The following FSTL4 variants were observed in gnomAD, a reference collection of about 807,000 sequenced individuals.
FSTL4 encodes follistatin like 4.
A neutral mutation model predicts 78.2 loss-of-function variants in FSTL4; 28 were observed. The observed-to-expected ratio is 0.36, with a 90% CI of 0.27 to 0.49. The LOEUF is 0.49. Ranked by LOEUF, FSTL4 falls within the 20% of genes least tolerant of loss-of-function variation. The pLI is 0.98. For synonymous variants in FSTL4, 422 were observed against 440.5 expected, an observed-to-expected ratio of 0.96 and a Z score of 0.53; for missense variants, 922 against 1,084.9, an observed-to-expected ratio of 0.85 and a Z score of 2.11.
chr5:133,726,033 A>G, the FSTL4 span, among the ~76,000 whole-genome samples: 4 of 152,214 alleles, frequency 2.6e-5, no homozygotes, highest in Admixed American at 1.3e-4. Context: ...CCATCAGACC[A>G]TCCTTATTAC....
At chr5:133,277,084 G>A (rs927032051) in intron 6 of FSTL4, among the ~76,000 whole-genome samples, 2 of 152,212 alleles carry the variant, frequency 1.3e-5, no homozygotes, top group Non-Finnish European at 2.9e-5. Flanking sequence ...GGCCAAGGCG[G>A]GTGGATCACC....
intron 3 of FSTL4, among the ~76,000 whole-genome samples, chr5:133,464,634 G>C (rs1757665096): frequency 6.6e-6 from 1 of 152,186 alleles, no homozygotes; most frequent in South Asian, 2.1e-4. Context: ...GGAGGGGAGA[G>C]GTGCAGGTCA....
At position 133,271,964 on chromosome 5, in the gene FSTL4, A is replaced by G. The variant is rs1752776667; in HGVS notation, c.728-22388T>C. 3.3e-5 allele frequency among the ~76,000 whole-genome samples: 5 copies of G among 152,154 alleles called. No homozygotes were observed. The South Asian group carries it at 8.3e-4, about 25-fold the overall frequency. On this transcript the variant is annotated intron_variant, in intron 6 of 15. Transcript: ENST00000265342. Reference sequence around the variant, plus strand: ...CTGCTTTTCCTCCTCCACCCTGAAGAGCAGCCAGCTTTGACCGGGGGGCTT... The same window carrying G: ...CTGCTTTTCCTCCTCCACCCTGAAGGGCAGCCAGCTTTGACCGGGGGGCTT...
At chr5:133,418,266 AAG>A (rs1756619804) in intron 3 of FSTL4, among the ~76,000 whole-genome samples, 1 of 152,062 alleles carries the variant, frequency 6.6e-6, no homozygotes, top group African/African-American at 2.4e-5. Context: ...GAGTGAAAGA[AAG>A]AGTATTTCTA....
intron 3 of FSTL4, among the ~76,000 whole-genome samples, chr5:133,447,683 G>A (rs1014073559): frequency 6.6e-6 from 1 of 152,266 alleles, no homozygotes; most frequent in African/African-American, 2.4e-5. Flanking sequence ...GGGACTACAG[G>A]TGCCCGCCAC....
At chr5:133,678,892 G>C in the FSTL4 span, among the ~76,000 whole-genome samples, 1 of 152,146 alleles carries the variant, frequency 6.6e-6, no homozygotes, top group African/African-American at 2.4e-5. Context: ...AGAGAAGTGG[G>C]AGGGTGGGCG....
the FSTL4 span, among the ~76,000 whole-genome samples, chr5:133,827,831 A>T: frequency 6.6e-6 from 1 of 152,006 alleles, no homozygotes; most frequent in Admixed American, 6.6e-5. Context: ...AGCATGAGGC[A>T]TGGGCACAAC....
At position 133,216,539 on chromosome 5, in the gene FSTL4, C is replaced by T. The variant is rs544814512; in HGVS notation, c.1608+690G>A. On this transcript the variant is annotated intron_variant, in intron 13 of 15. Transcript: ENST00000265342. ...AATTTTTTTGTATTTTTAGTAGAGA[C>T]GGGGTTTCACCACATTGGCCAGGCT... Among the ~76,000 whole-genome samples the T allele has an allele frequency of 3.3e-5, 5 of 152,226 alleles. No individual in the cohort carries two copies. The South Asian group carries it at 6.2e-4, about 19-fold the overall frequency.
chr5:133,410,817 T>C (rs571657392), intron 3 of FSTL4, among the ~76,000 whole-genome samples: 3 of 152,246 alleles, frequency 2.0e-5, no homozygotes, highest in Non-Finnish European at 4.4e-5. Context: ...CTCAAGGATC[T>C]GCCCTTGTCT....
chr5:133,482,302 C>G (rs1758042769), intron 3 of FSTL4, among the ~76,000 whole-genome samples: 1 of 152,016 alleles, frequency 6.6e-6, no homozygotes, highest in South Asian at 2.1e-4. Flanking sequence ...GCACAGGTTT[C>G]TGGCTGGCAC....
chr5:133,654,187 C>T, the FSTL4 span, among the ~76,000 whole-genome samples: 1 of 152,356 alleles, frequency 6.6e-6, no homozygotes, highest in East Asian at 1.9e-4. Flanking sequence ...ATTCTTTCCT[C>T]ATGAGCAAAC....
chr5:133,415,227 A>G (rs574544588), intron 3 of FSTL4, among the ~76,000 whole-genome samples: 5 of 152,252 alleles, frequency 3.3e-5, no homozygotes, highest in African/African-American at 1.2e-4. Context: ...CTGATCTCTC[A>G]TCTATGTTGG....
intron 3 of FSTL4, among the ~76,000 whole-genome samples, chr5:133,507,133 A>G (rs1758626201): frequency 6.6e-6 from 1 of 152,214 alleles, no homozygotes; most frequent in Admixed American, 6.5e-5. Flanking sequence ...GCTTGAACCC[A>G]GGAGGCAGAG....
At chr5:133,717,198 A>G in the FSTL4 span, among the ~76,000 whole-genome samples, 3 of 152,208 alleles carry the variant, frequency 2.0e-5, no homozygotes, top group Non-Finnish European at 2.9e-5. Flanking sequence ...TAAAATTCCA[A>G]CAGTTGAGTG....
At chr5:133,259,870 G>A (rs1752476536) in intron 6 of FSTL4, among the ~76,000 whole-genome samples, 1 of 152,102 alleles carries the variant, frequency 6.6e-6, no homozygotes, top group Non-Finnish European at 1.5e-5. Flanking sequence ...GCATAATACG[G>A]TGTGATTTCC....
the FSTL4 span, chr5:133,720,977 T>C: frequency 1.3e-5 from 2 of 152,216 alleles, no homozygotes; most frequent in East Asian, 1.9e-4. Flanking sequence ...TGAGCAAGCT[T>C]CATCTAGCAG....
chr5:133,785,047 C>A, the FSTL4 span, among the ~76,000 whole-genome samples: 2 of 152,180 alleles, frequency 1.3e-5, no homozygotes, highest in African/African-American at 4.8e-5. Context: ...GGGACACATT[C>A]CTGCTCCTCT....
At chr5:133,211,418 T>C (rs1750708457) in intron 13 of FSTL4, among the ~76,000 whole-genome samples, 1 of 152,144 alleles carries the variant, frequency 6.6e-6, no homozygotes, top group Non-Finnish European at 1.5e-5. Flanking sequence ...GCCCTCCTTT[T>C]CTTAGTTCCT....
At chr5:133,264,586 T>C (rs1349237321) in intron 6 of FSTL4, among the ~76,000 whole-genome samples, 1 of 152,186 alleles carries the variant, frequency 6.6e-6, no homozygotes. Flanking sequence ...GTCACCACAA[T>C]TTGCCTTTGC....
Sources: allele counts gnomAD v4.1 joint callset (sites outside exome capture counted in the v4.1 genomes callset), GRCh38; gene constraint gnomAD v4.1.1; transcripts MANE v1.5; gene names NCBI Gene and HGNC (gene_info 2026-07-23, HGNC 2026-07-21).